LEKR1: variants seen among roughly 807,000 people sequenced by gnomAD.
LEKR1 encodes the protein protein LEKR1.
Under a neutral mutation model 72.4 loss-of-function variants are expected in LEKR1, and 59 were observed. The ratio of observed to expected loss-of-function variants is 0.82; its 90% CI spans 0.66 to 1.01. The LOEUF (loss-of-function observed/expected upper bound fraction) is 1.01, where lower values mean the gene tolerates loss of function less well. Among genes scored for constraint, LEKR1 ranks in the 50% least tolerant of loss-of-function variants. LEKR1 has a pLI of 0.00. For synonymous variants in LEKR1, 257 were observed against 263.2 expected, an observed-to-expected ratio of 0.98 and a Z score of 0.23; for missense variants, 728 against 759.2, an observed-to-expected ratio of 0.96 and a Z score of 0.48.
intron 9 of LEKR1, among the ~76,000 whole-genome samples, chr3:156,994,668 T>C (rs1731414534): frequency 6.6e-6 from 1 of 152,218 alleles, no homozygotes; most frequent in South Asian, 2.1e-4. Flanking sequence ...AAAACCTATA[T>C]ATGCTAACGT....
At chr3:157,045,206 G>A in intron 12 of LEKR1, 134 bp from the exon 13 acceptor site, 1 of 667,452 alleles carries the variant, frequency 1.5e-6, no homozygotes, top group Non-Finnish European at 2.5e-6. Flanking sequence ...GTCCCATGAG[G>A]TAGAGTGTCA....
intron 6 of LEKR1, among the ~76,000 whole-genome samples, chr3:156,978,446 T>G (rs2107998231): frequency 6.6e-6 from 1 of 152,320 alleles, no homozygotes; most frequent in Non-Finnish European, 1.5e-5. Flanking sequence ...TATAACTTAT[T>G]CTCAAAAAGC....
At chr3:156,882,951 A>G (rs1719609071) in intron 3 of LEKR1, among the ~76,000 whole-genome samples, 1 of 151,806 alleles carries the variant, frequency 6.6e-6, no homozygotes, top group African/African-American at 2.4e-5. Context: ...GAATTGAACA[A>G]TGAGAACACA....
chr3:156,943,614 G>A (rs768456881), intron 6 of LEKR1, among the ~76,000 whole-genome samples: 5 of 151,942 alleles, frequency 3.3e-5, no homozygotes, highest in Admixed American at 6.6e-5. Context: ...AGGCTTCTCC[G>A]TGGCCCAGTG....
At chr3:156,942,735 G>C (rs1263286481) in intron 6 of LEKR1, 21 bp downstream of exon 6, 3 of 1,157,206 alleles carry the variant, frequency 2.6e-6, no homozygotes, top group Non-Finnish European at 3.3e-6. Context: ...GTCTTTTGCT[G>C]TTTTTGGTGA....
intron 3 of LEKR1, among the ~76,000 whole-genome samples, chr3:156,880,594 C>T (rs1719178061): frequency 6.6e-6 from 1 of 152,150 alleles, no homozygotes. Flanking sequence ...GGTACCATTC[C>T]TTCTGAAACT....
intron 9 of LEKR1, among the ~76,000 whole-genome samples, chr3:157,010,144 T>C (rs1167260595): frequency 2.0e-5 from 3 of 152,026 alleles, no homozygotes; most frequent in African/African-American, 7.2e-5. Flanking sequence ...TTATTAATTT[T>C]ATTGATCTCA....
chr3:156,896,365 A>G (rs938381345), intron 3 of LEKR1, among the ~76,000 whole-genome samples: 3 of 152,232 alleles, frequency 2.0e-5, no homozygotes, highest in Admixed American at 1.3e-4. Flanking sequence ...GTTGTTGAAA[A>G]AAATAATAAA....
intron 3 of LEKR1, among the ~76,000 whole-genome samples, chr3:156,883,758 C>T (rs1444108882): frequency 6.6e-6 from 1 of 152,162 alleles, no homozygotes; most frequent in Non-Finnish European, 1.5e-5. Context: ...GCCTCCCCAG[C>T]CATGTGGAAC....
chr3:156,873,958 A>C (rs1023950142), intron 3 of LEKR1, among the ~76,000 whole-genome samples: 2 of 152,002 alleles, frequency 1.3e-5, no homozygotes, highest in African/African-American at 4.8e-5. Flanking sequence ...TGACAGTTTA[A>C]CTATAATGTG....
intron 3 of LEKR1, 62 bp downstream of exon 3, chr3:156,853,044 A>G: frequency 9.0e-7 from 1 of 1,110,874 alleles, no homozygotes; most frequent in Non-Finnish European, 1.3e-6. Context: ...GGAAATAAAT[A>G]CACTTTGAAT....
rs1367347687 is a variant in LEKR1 at position 156,852,960 on chromosome 3, G to A, written c.241G>A (p.Asp81Asn). Residue 81 changes from aspartate to asparagine, a missense_variant, in exon 3 of 13, where the codon GAC (aspartate) becomes AAC (asparagine). By Grantham distance (23) the Asp-to-Asn change is conservative. Coordinates refer to ENST00000356539, the MANE Select transcript of LEKR1 (RefSeq NM_001004316.3). The part of the protein sequence containing the change: ...LSQELEQYKI[D>N]NKSKTERIYD... Reference sequence around the variant, plus strand: ...CCAAGAACTTGAACAGTACAAAATTGACAACAAATCCAAAACAGAAAGGTT... The same window carrying A: ...CCAAGAACTTGAACAGTACAAAATTAACAACAAATCCAAAACAGAAAGGTT... 6.5e-7 allele frequency: 1 copy of A among 1,533,676 alleles called. No homozygotes were observed. Among genetic ancestry groups the A allele is most frequent in the Non-Finnish European group, 8.7e-7 (1 of 1,144,926 alleles).
chr3:156,834,845 G>A (rs1712896088), intron 2 of LEKR1, among the ~76,000 whole-genome samples: 2 of 152,158 alleles, frequency 1.3e-5, no homozygotes, highest in Admixed American at 6.5e-5. Flanking sequence ...TTTTGAAGAT[G>A]TTTTTATTTT....
chr3:156,937,974 G>A (rs1725870688), intron 5 of LEKR1, among the ~76,000 whole-genome samples: 2 of 152,176 alleles, frequency 1.3e-5, no homozygotes, highest in South Asian at 4.1e-4. Context: ...AATTATAAGT[G>A]TAGATAACAG....
At chr3:156,872,280 A>G (rs969304860) in intron 3 of LEKR1, among the ~76,000 whole-genome samples, 13 of 151,882 alleles carry the variant, frequency 8.6e-5, no homozygotes, top group Non-Finnish European at 1.8e-4. Context: ...CAGTTGTAAC[A>G]TCTTCTTTTT....
At chr3:157,015,882 G>T (rs1182294026) in intron 10 of LEKR1, among the ~76,000 whole-genome samples, 1 of 152,100 alleles carries the variant, frequency 6.6e-6, no homozygotes, top group African/African-American at 2.4e-5. Flanking sequence ...AAAAAGACCA[G>T]TTACTGAGTT....
intron 6 of LEKR1, among the ~76,000 whole-genome samples, chr3:156,948,480 T>C (rs1045895736): frequency 1.3e-5 from 2 of 151,334 alleles, no homozygotes; most frequent in African/African-American, 4.8e-5. Flanking sequence ...TTATTTTATT[T>C]TCTTGTCTCC....
intron 5 of LEKR1, among the ~76,000 whole-genome samples, chr3:156,931,339 A>ATG (rs1467972265): frequency 2.6e-5 from 4 of 152,140 alleles, no homozygotes; most frequent in Non-Finnish European, 5.9e-5. Context: ...AAACAGTCTG[A>ATG]TGGCAGCAGA....
chr3:156,845,828 C>G (rs1408956005), intron 2 of LEKR1, among the ~76,000 whole-genome samples: 2 of 152,030 alleles, frequency 1.3e-5, no homozygotes, highest in Non-Finnish European at 2.9e-5. Flanking sequence ...GCTTTACATA[C>G]AAATTTGAGA....
Sources: gnomAD v4.1 joint callset for allele counts (sites outside exome capture counted in the v4.1 genomes callset) on GRCh38, gnomAD v4.1.1 for gene constraint, MANE v1.5 for transcripts, NCBI Gene and HGNC (gene_info 2026-07-23, HGNC 2026-07-21) for gene names.